MAN1A1: variants seen among roughly 807,000 people sequenced by gnomAD.
MAN1A1 encodes the protein mannosidase alpha class 1A member 1.
MAN1A1 carries 29 observed loss-of-function variants against 70.8 expected under a neutral mutation model. The ratio of observed to expected loss-of-function variants is 0.41; its 90% CI spans 0.31 to 0.56. The LOEUF (loss-of-function observed/expected upper bound fraction) is 0.56, where lower values mean the gene tolerates loss of function less well. MAN1A1 is among the 20% of genes least tolerant of loss of function. The pLI, the probability that MAN1A1 is intolerant of heterozygous loss-of-function variation, is 0.29. For missense variants in MAN1A1, 747 were observed against 841.3 expected, an observed-to-expected ratio of 0.89 and a Z score of 1.39; for synonymous variants, 349 against 330.1, an observed-to-expected ratio of 1.06 and a Z score of -0.62.
intron 7 of MAN1A1, among the ~76,000 whole-genome samples, chr6:119,202,994 CTCTG>C (rs35076978): frequency 0.33 from 50,786 of 151,660 alleles, 8,761 homozygotes; most frequent in East Asian, 0.55. Flanking sequence ...CTCTCTCTCT[CTCTG>C]TGACTCCTTC....
intron 5 of MAN1A1, among the ~76,000 whole-genome samples, chr6:119,256,731 A>G (rs939715080): frequency 2.0e-5 from 3 of 152,144 alleles, no homozygotes; most frequent in African/African-American, 7.2e-5. Flanking sequence ...GGGTCACTTC[A>G]CTGTTCCAAT....
At chr6:119,214,743 T>G (rs1284666537) in intron 6 of MAN1A1, among the ~76,000 whole-genome samples, 1 of 152,086 alleles carries the variant, frequency 6.6e-6, no homozygotes, top group African/African-American at 2.4e-5. Context: ...TGAGCTCAAG[T>G]GATCTGCCTG....
At chr6:119,270,581 C>T (rs965463334) in intron 5 of MAN1A1, among the ~76,000 whole-genome samples, 1 of 152,152 alleles carries the variant, frequency 6.6e-6, no homozygotes, top group African/African-American at 2.4e-5. Flanking sequence ...TATGAATATG[C>T]CTATTTTGGA....
intron 11 of MAN1A1, among the ~76,000 whole-genome samples, chr6:119,188,167 G>C (rs532077400): frequency 5.9e-5 from 9 of 152,280 alleles, no homozygotes; most frequent in Non-Finnish European, 1.3e-4. Flanking sequence ...TGCCTTTCTA[G>C]TTATCTCCTT....
intron 5 of MAN1A1, among the ~76,000 whole-genome samples, chr6:119,265,862 A>T (rs1214769204): frequency 1.3e-5 from 2 of 152,220 alleles, no homozygotes; most frequent in African/African-American, 4.8e-5. Flanking sequence ...CATATTTTCT[A>T]TGCAGAAAAT....
At chr6:119,258,552 C>A (rs1260804919) in intron 5 of MAN1A1, among the ~76,000 whole-genome samples, 4 of 152,070 alleles carry the variant, frequency 2.6e-5, no homozygotes, top group Non-Finnish European at 5.9e-5. Flanking sequence ...ATATAAGGTA[C>A]TTGAGCATCT....
At chr6:119,314,921 T>A (rs1008272660) in intron 2 of MAN1A1, among the ~76,000 whole-genome samples, 14 of 152,160 alleles carry the variant, frequency 9.2e-5, no homozygotes, top group African/African-American at 3.4e-4. Context: ...GATGGTGTTG[T>A]CCTATTCGAC....
At chr6:119,341,270 C>T (rs897542431) in intron 2 of MAN1A1, among the ~76,000 whole-genome samples, 5 of 152,126 alleles carry the variant, frequency 3.3e-5, no homozygotes, top group Non-Finnish European at 5.9e-5. Flanking sequence ...CTTAGGCAAT[C>T]CCCTACCCAG....
At chr6:119,217,598 T>C (rs1054991002) in intron 6 of MAN1A1, among the ~76,000 whole-genome samples, 9 of 152,230 alleles carry the variant, frequency 5.9e-5, no homozygotes, top group Admixed American at 5.2e-4. Flanking sequence ...GAAGTATACC[T>C]GTTTATGAAT....
intron 4 of MAN1A1, among the ~76,000 whole-genome samples, chr6:119,297,189 A>G (rs1395295407): frequency 6.6e-6 from 1 of 152,192 alleles, no homozygotes; most frequent in African/African-American, 2.4e-5. Context: ...AGGGGCCACT[A>G]CAAATCTGTT....
At chr6:119,228,398 T>A (rs1183226591) in intron 6 of MAN1A1, among the ~76,000 whole-genome samples, 1 of 152,188 alleles carries the variant, frequency 6.6e-6, no homozygotes, top group African/African-American at 2.4e-5. Context: ...TCTTTAATAA[T>A]ATATAGTGAT....
In MAN1A1 at chr6:119,348,759, G is replaced by A. The variant is rs1358225220; in HGVS notation, c.307C>T (p.Arg103Trp). The A allele has an allele frequency of 3.9e-6, 6 of 1,546,288 alleles. No individual in the cohort carries two copies. The highest frequency in any genetic ancestry group is 1.4e-5 in the African/African-American group (1 of 70,632). Residue 103 changes from arginine (R) to tryptophan (W), a missense_variant, in exon 2 of 13, where the codon CGG (arginine) becomes TGG (tryptophan). Transcript: ENST00000368468. Reference sequence around the variant, plus strand: ...CCGGGTGCCCCCTCCTCGCGGCGCCGGGCTCGCCCCTCGGCCGCGTCCTCG... The same window carrying A: ...CCGGGTGCCCCCTCCTCGCGGCGCCAGGCTCGCCCCTCGGCCGCGTCCTCG... ...RAEDAAEGRA[R>W]RREEGAPGDP...
Position 119,188,576 on chromosome 6 carries a change from A to T in MAN1A1, c.1548T>A (p.Phe516Leu), listed in dbSNP as rs1394352558. 6 of 1,612,314 alleles carry T rather than the reference A, an allele frequency of 3.7e-6. No individual in the cohort carries two copies. In the South Asian group the frequency reaches 5.5e-5, roughly 15 times the overall value. ...RTCHESYNRT[F>L]MKLGPEAFRF... The stretch of plus-strand genomic sequence containing the variant: ...TGAAAGCTTCTGGTCCCAGTTTCAT[A>T]ACTAAAGGACATGGAATGAATGAAT... Residue 516 changes from phenylalanine to leucine, a missense_variant and splice_region_variant, in exon 11 of 13, where the codon TTT becomes TTA. Phe to Leu is a conservative substitution (Grantham distance 22). Around this residue, in one of 2 missense-constraint regions of MAN1A1, gnomAD observed 419 missense variants for 548.2 expected, o/e 0.76. Transcript: ENST00000368468.
intron 2 of MAN1A1, among the ~76,000 whole-genome samples, chr6:119,314,488 C>T (rs1371723752): frequency 6.6e-6 from 1 of 152,220 alleles, no homozygotes; most frequent in Non-Finnish European, 1.5e-5. Context: ...AACACCCTCT[C>T]TGGGGTATTA....
At chr6:119,293,653 T>C (rs1169017794) in intron 4 of MAN1A1, among the ~76,000 whole-genome samples, 1 of 152,160 alleles carries the variant, frequency 6.6e-6, no homozygotes, top group African/African-American at 2.4e-5. Context: ...TTTAAATAAT[T>C]TAGAAACCTT....
At chr6:119,234,735 A>C (rs1365593528) in intron 6 of MAN1A1, among the ~76,000 whole-genome samples, 2 of 152,098 alleles carry the variant, frequency 1.3e-5, no homozygotes, top group East Asian at 3.8e-4. Flanking sequence ...ACATATTAAA[A>C]ATTATACATT....
intron 9 of MAN1A1, among the ~76,000 whole-genome samples, chr6:119,193,034 C>A (rs1356885466): frequency 6.6e-6 from 1 of 152,070 alleles, no homozygotes; most frequent in East Asian, 1.9e-4. Flanking sequence ...ACAAATAAAT[C>A]CACAGTGGAT....
chr6:119,180,581 T>C (rs573804406), intron 11 of MAN1A1, among the ~76,000 whole-genome samples, 154 bp from the exon 12 acceptor site: 1 of 151,962 alleles, frequency 6.6e-6, no homozygotes, highest in East Asian at 1.9e-4. Flanking sequence ...GGCACCATCA[T>C]GGGTCACTGC....
intron 2 of MAN1A1, among the ~76,000 whole-genome samples, chr6:119,315,747 G>A (rs1772833205): frequency 6.6e-6 from 1 of 152,166 alleles, no homozygotes; most frequent in Non-Finnish European, 1.5e-5. Context: ...TTTTTGGAAG[G>A]AAGCACTATT....
Sources: gnomAD v4.1 joint callset for allele counts (sites outside exome capture counted in the v4.1 genomes callset) on GRCh38, gnomAD v4.1.1 for gene constraint, gnomAD v4.1.1 regional missense constraint, MANE v1.5 for transcripts, NCBI Gene and HGNC (gene_info 2026-07-23, HGNC 2026-07-21) for gene names.